Variants in CLPSL1 observed in about 807,000 individuals in gnomAD.
CLPSL1 encodes the protein colipase-like protein 1.
A neutral mutation model predicts 9.3 loss-of-function variants in CLPSL1; 13 were observed. That is an observed-to-expected ratio of 1.40 (90% CI 0.91 to 2.22). The LOEUF is 2.22. Ranked by LOEUF, CLPSL1 falls within the 30% of genes most tolerant of loss-of-function variation. CLPSL1 has a pLI of 0.00. For synonymous variants in CLPSL1, 58 were observed against 56.9 expected (o/e 1.02, Z -0.08); for missense variants, 164 against 146.6 (o/e 1.12, Z -0.61).
downstream of CLPSL1, among the ~76,000 whole-genome samples, chr6:35,788,751 G>C (rs934662583): frequency 6.6e-6 from 1 of 152,268 alleles, no homozygotes; most frequent in Non-Finnish European, 1.5e-5. Flanking sequence ...CTGGAGCAGC[G>C]ACTGTGGTGT....
downstream of CLPSL1, among the ~76,000 whole-genome samples, chr6:35,790,890 A>G (rs559146730): frequency 8.9e-4 from 135 of 152,256 alleles, no homozygotes; most frequent in African/African-American, 2.9e-3. Flanking sequence ...ACAAACAACA[A>G]CAGCAACATA....
chr6:35,787,052 C>T lies in CLPSL1; in HGVS notation c.154C>T (p.Arg52Cys), dbSNP rs771559201. 115 of 1,601,806 alleles carry T rather than the reference C, an allele frequency of 7.2e-5. No homozygotes were observed. In the East Asian group the frequency reaches 2.2e-3, roughly 31 times the overall value. ...NQDCETGCCQ[R>C]APDNCESHCA... ...GGACTGCGAGACTGGCTGCTGCCAA[C>T]GTGCTCCAGACAATTGCGAGTCGCA... is the stretch of plus-strand genomic sequence containing the variant. Residue 52 changes from arginine (R) to cysteine (C), a missense_variant, in exon 2 of 3, where the codon CGT becomes TGT. Coordinates refer to ENST00000373861, the MANE Select transcript of CLPSL1 (RefSeq NM_001010886.5).
rs761609708 is a variant in CLPSL1 at position 35,788,127 on chromosome 6, T to C, written c.*117T>C. 2.1e-6 allele frequency: 2 copies of C among 938,746 alleles called. No homozygotes were observed. The highest frequency in any genetic ancestry group is 1.6e-5 in the African/African-American group (1 of 61,682). The allele number at this position is 938,746 out of a possible 1,614,324, so 58.2% of individuals were successfully genotyped here. On this transcript the variant is annotated 3_prime_UTR_variant, in exon 3 of 3. Coordinates refer to ENST00000373861, the MANE Select transcript of CLPSL1 (RefSeq NM_001010886.5). ...ATGAGTGGAGGGAAGTGGGGAGTGA[T>C]TGAAATAAAGAGCTTTTTCAATGTT...
At chr6:35,784,204 G>A (rs1181991436) in intron 1 of CLPSL1, among the ~76,000 whole-genome samples, 2 of 152,134 alleles carry the variant, frequency 1.3e-5, no homozygotes, top group Non-Finnish European at 2.9e-5. Context: ...CCAGGTCATA[G>A]GTAGATTTAA....
chr6:35,785,174 A>ATTTTTTT (rs34500810), intron 1 of CLPSL1, among the ~76,000 whole-genome samples: 5 of 115,716 alleles, frequency 4.3e-5, no homozygotes, highest in Non-Finnish European at 6.8e-5. Flanking sequence ...GCCCCTGGAA[A>ATTTTTTT]TTTTTTTTTT....
chr6:35,794,036 G>T (rs1408660449), downstream of CLPSL1, among the ~76,000 whole-genome samples: 10 of 152,236 alleles, frequency 6.6e-5, no homozygotes, highest in African/African-American at 2.2e-4. Flanking sequence ...GAATCATAAG[G>T]CCGGGCACGG....
In CLPSL1 at chr6:35,787,935, GA is replaced by G. The variant is rs1187398105; in HGVS notation, c.294del (p.Lys98AsnfsTer?). 1 of 1,612,666 alleles carries G rather than the reference GA, an allele frequency of 6.2e-7. No homozygotes were observed. The highest frequency in any genetic ancestry group is 8.5e-7 in the Non-Finnish European group (1 of 1,178,646). On this transcript the variant is annotated frameshift_variant, in exon 3 of 3. Transcript: ENST00000373861. LOFTEE classifies it low-confidence loss of function (END_TRUNC). ...NLTCIYSKNE[K>X]WLSIAYGRCQ... ...TGACTTGTATATATTCAAAGAATGA[GA>G]AATGGCTTAGCATCGCCTATGGCCG...
intron 1 of CLPSL1, among the ~76,000 whole-genome samples, chr6:35,786,076 C>T (rs9394318): frequency 0.3 from 46,005 of 151,726 alleles, 7,118 homozygotes; most frequent in South Asian, 0.41. Flanking sequence ...ACCAGCCTGG[C>T]CAGCATGGCG....
intron 1 of CLPSL1, among the ~76,000 whole-genome samples, chr6:35,784,498 G>T (rs563375682): frequency 9.9e-5 from 15 of 152,266 alleles, no homozygotes; most frequent in African/African-American, 3.6e-4. Flanking sequence ...GGAAGGAGTC[G>T]ACTGAGATGG....
chr6:35,786,915 C>G, intron 1 of CLPSL1, 83 bp from the exon 2 acceptor site: 2 of 1,494,624 alleles, frequency 1.3e-6, no homozygotes, highest in Non-Finnish European at 1.8e-6. Context: ...GGGGAGGAGC[C>G]CCGTAGGGAG....
At position 35,784,932 on chromosome 6, in the gene CLPSL1, A is replaced by G. The variant is rs556796262; in HGVS notation, c.100-2066A>G. On this transcript the variant is annotated intron_variant, in intron 1 of 2. Transcript: ENST00000373861. ...AAAGAATGGAAAGTACACTTGGAAG[A>G]GTCCCAAGTGGGCAACTTGAAGGGC... Among the ~76,000 whole-genome samples the G allele has an allele frequency of 4.6e-5, 7 of 152,324 alleles. No individual in the cohort carries two copies. The East Asian group carries it at 5.8e-4, about 13-fold the overall frequency.
chr6:35,782,929 A>G (rs1412306247), intron 1 of CLPSL1, among the ~76,000 whole-genome samples: 1 of 152,154 alleles, frequency 6.6e-6, no homozygotes, highest in Non-Finnish European at 1.5e-5. Flanking sequence ...ATAGGATTAT[A>G]CATATATAAT....
intron 1 of CLPSL1, among the ~76,000 whole-genome samples, chr6:35,781,912 AT>A (rs1307411068): frequency 2.7e-5 from 4 of 150,750 alleles, no homozygotes; most frequent in East Asian, 2.0e-4. Context: ...CGCCCAGCTA[AT>A]TTTTTTTTCT....
chr6:35,790,269 C>G (rs1003619205), downstream of CLPSL1, among the ~76,000 whole-genome samples: 1 of 152,176 alleles, frequency 6.6e-6, no homozygotes, highest in African/African-American at 2.4e-5. Flanking sequence ...ATATTTTCAT[C>G]CAGGAATATA....
At chr6:35,781,416 C>T (rs1767965152) in intron 1 of CLPSL1, among the ~76,000 whole-genome samples, 1 of 152,160 alleles carries the variant, frequency 6.6e-6, no homozygotes, top group Non-Finnish European at 1.5e-5. Context: ...GCTGCTGCCA[C>T]AGAGGTGAAT....
intron 1 of CLPSL1, among the ~76,000 whole-genome samples, chr6:35,784,556 C>T (rs1768031388): frequency 6.6e-6 from 1 of 152,146 alleles, no homozygotes; most frequent in Non-Finnish European, 1.5e-5. Context: ...TTTTGGTTTA[C>T]ACTAGCCACA....
At chr6:35,785,966 G>A (rs1218596195) in intron 1 of CLPSL1, among the ~76,000 whole-genome samples, 2 of 126,684 alleles carry the variant, frequency 1.6e-5, no homozygotes, top group East Asian at 2.4e-4. Context: ...AAAAAAAAAA[G>A]GAAAGGAAAG....
At chr6:35,787,712 C>A (rs531394696) in intron 2 of CLPSL1, among the ~76,000 whole-genome samples, 155 bp from the exon 3 acceptor site, 9 of 152,394 alleles carry the variant, frequency 5.9e-5, no homozygotes, top group Admixed American at 5.9e-4. Context: ...GAGAAGGCAG[C>A]CAGAGGTGCC....
intron 1 of CLPSL1, among the ~76,000 whole-genome samples, chr6:35,782,220 G>T (rs1298493259): frequency 6.6e-6 from 1 of 152,166 alleles, no homozygotes; most frequent in Non-Finnish European, 1.5e-5. Context: ...TCTGGGGGCG[G>T]AAATGTGCTG....
Sources: allele counts gnomAD v4.1 joint callset (sites outside exome capture counted in the v4.1 genomes callset), GRCh38; gene constraint gnomAD v4.1.1; transcripts MANE v1.5; gene names NCBI Gene and HGNC (gene_info 2026-07-23, HGNC 2026-07-21).